DSCAM: variants seen among roughly 807,000 people sequenced by gnomAD.
DSCAM encodes cell adhesion molecule DSCAM.
In DSCAM, 47 loss-of-function variants were observed where a neutral mutation model predicts 217.7. The ratio of observed to expected loss-of-function variants is 0.22; its 90% CI spans 0.17 to 0.28. The LOEUF (loss-of-function observed/expected upper bound fraction) is 0.28, where lower values mean the gene tolerates loss of function less well. Ranked by LOEUF, DSCAM falls within the 10% of genes least tolerant of loss-of-function variation. The pLI, the probability that DSCAM is intolerant of heterozygous loss-of-function variation, is 1.00. For missense variants in DSCAM, 2,080 were observed against 2,618.3 expected (o/e 0.79, Z 4.49); for synonymous variants, 1,056 against 1,015.3 (o/e 1.04, Z -0.76).
At chr21:40,494,697 G>A (rs1346288041) in intron 3 of DSCAM, among the ~76,000 whole-genome samples, 1 of 150,998 alleles carries the variant, frequency 6.6e-6, no homozygotes. Context: ...ACACTTCAAG[G>A]AACAAGAAAA....
rs2089642743 is a variant in DSCAM, at chr21:40,093,874, C to T, written c.3697G>A (p.Val1233Met). ...TVFCSHPYPTVISEFEASPDS... is the reference protein window; with the variant it reads ...TVFCSHPYPTMISEFEASPDS... ...GGAGAGGCCTCAAACTCGCTGATCACCTGTAAAAAGAGACATAAGTGTTCC... is the reference window on the plus strand; with the variant it reads ...GGAGAGGCCTCAAACTCGCTGATCATCTGTAAAAAGAGACATAAGTGTTCC... The change falls in exon 21 of 33, where the codon GTG (valine) becomes ATG (methionine). Residue 1233 changes from valine (V) to methionine (M), a missense_variant and splice_region_variant. By Grantham distance (21) the Val-to-Met change is conservative. Around this residue, in one of 5 missense-constraint regions of DSCAM, gnomAD observed 1,144 missense variants for 1,421.1 expected, o/e 0.81. Coordinates refer to ENST00000400454, the MANE Select transcript of DSCAM (RefSeq NM_001389.5). 1 of 1,612,712 alleles carries T rather than the reference C, an allele frequency of 6.2e-7. No homozygotes were observed. Among genetic ancestry groups the T allele is most frequent in the Non-Finnish European group, 8.5e-7 (1 of 1,179,640 alleles).
intron 3 of DSCAM, among the ~76,000 whole-genome samples, chr21:40,668,526 C>T (rs2090230435): frequency 6.6e-6 from 1 of 152,184 alleles, no homozygotes; most frequent in Non-Finnish European, 1.5e-5. Context: ...GCAGCCTTGT[C>T]ACTGACAATA....
At chr21:40,453,238 T>C (rs1416360254) in intron 3 of DSCAM, among the ~76,000 whole-genome samples, 1 of 152,180 alleles carries the variant, frequency 6.6e-6, no homozygotes, top group Non-Finnish European at 1.5e-5. Flanking sequence ...ATAAGCGTAC[T>C]CCCTTATCTC....
intron 32 of DSCAM, among the ~76,000 whole-genome samples, chr21:40,039,317 A>G (rs1307873204): frequency 2.0e-5 from 3 of 152,298 alleles, no homozygotes; most frequent in Middle Eastern, 3.4e-3. Context: ...ATCAAAAAAA[A>G]AAAGAATGGA....
At chr21:40,553,778 A>T (rs1049755098) in intron 3 of DSCAM, among the ~76,000 whole-genome samples, 17 of 151,968 alleles carry the variant, frequency 1.1e-4, no homozygotes, top group Non-Finnish European at 2.5e-4. Context: ...CTTCTGAATT[A>T]TTTTTTTTAA....
At chr21:40,841,802 T>G (rs1481184237) in intron 1 of DSCAM, among the ~76,000 whole-genome samples, 1 of 152,236 alleles carries the variant, frequency 6.6e-6, no homozygotes. Flanking sequence ...AAATGCACCC[T>G]TCTGCGGGCC....
At chr21:40,448,130 G>C (rs1437495674) in intron 3 of DSCAM, among the ~76,000 whole-genome samples, 1 of 152,148 alleles carries the variant, frequency 6.6e-6, no homozygotes, top group Non-Finnish European at 1.5e-5. Flanking sequence ...AACTTGACTG[G>C]CTAAGGGATG....
chr21:40,485,710 A>G (rs2076022416), intron 3 of DSCAM, among the ~76,000 whole-genome samples: 2 of 152,252 alleles, frequency 1.3e-5, no homozygotes, highest in East Asian at 3.9e-4. Context: ...ACTTACATGC[A>G]TATGTTATTT....
intron 3 of DSCAM, among the ~76,000 whole-genome samples, chr21:40,579,674 G>A (rs573725060): frequency 5.7e-4 from 87 of 152,302 alleles, no homozygotes; most frequent in Non-Finnish European, 1.0e-3. Flanking sequence ...ACAAAGTTAA[G>A]ATCGTCGCTA....
rs758960101 is a variant in DSCAM, at chr21:40,013,300, C to G, written c.5773G>C (p.Gly1925Arg). ...TTCTGAGGTTCCAAGCATGCTTGTC[C>G]TAAGCTCAGGTCCCTGCTGGTGCCT... ...GPGTSRDLSL[G>R]QACLEPQKSR... Residue 1925 changes from glycine to arginine, a missense_variant, in exon 33 of 33, where the codon GGA becomes CGA. Physicochemically the swap from Gly to Arg is moderately radical, Grantham distance 125 (BLOSUM62 -2). Around this residue, in one of 5 missense-constraint regions of DSCAM, gnomAD observed 145 missense variants for 138.5 expected, o/e 1.05. Coordinates refer to ENST00000400454, the MANE Select transcript of DSCAM (RefSeq NM_001389.5). 2 of 1,612,852 alleles carry G rather than the reference C, an allele frequency of 1.2e-6. No homozygotes were observed. Among genetic ancestry groups the G allele is most frequent in the Non-Finnish European group, 1.7e-6 (2 of 1,179,478 alleles).
intron 16 of DSCAM, among the ~76,000 whole-genome samples, chr21:40,145,518 C>A (rs2837454): frequency 6.6e-6 from 1 of 151,860 alleles, no homozygotes; most frequent in African/African-American, 2.4e-5. Flanking sequence ...TAGGCTGATG[C>A]GTAGGACTCA....
At chr21:40,758,220 G>A (rs897949627) in intron 1 of DSCAM, among the ~76,000 whole-genome samples, 10 of 152,060 alleles carry the variant, frequency 6.6e-5, no homozygotes. Context: ...TTAGACTTCT[G>A]GCCTCTAGAA....
rs147609232 is a variant in DSCAM at position 40,614,095 on chromosome 21, A to G, written c.508+78715T>C. 7.9e-3 allele frequency among the ~76,000 whole-genome samples: 1,196 copies of G among 152,208 alleles called. 14 individuals carry two copies. The highest frequency in any genetic ancestry group is 0.027 in the African/African-American group (1,121 of 41,548). On this transcript the variant is annotated intron_variant, in intron 3 of 32. Transcript: ENST00000400454. ...GTCAACCAGTCCCACCCCAGTCCCA[A>G]TCCTGGCACTGCCCCCGGGGGCCCA... is the stretch of plus-strand genomic sequence containing the variant.
intron 9 of DSCAM, 41 bp downstream of exon 9, chr21:40,312,040 C>A: frequency 7.3e-7 from 1 of 1,362,618 alleles, no homozygotes; most frequent in South Asian, 1.2e-5. Flanking sequence ...ATTGTTAAAT[C>A]AACTCTACAG....
At chr21:40,609,875 C>G (rs749577964) in intron 3 of DSCAM, among the ~76,000 whole-genome samples, 1 of 152,242 alleles carries the variant, frequency 6.6e-6, no homozygotes, top group African/African-American at 2.4e-5. Context: ...GAGACTATCA[C>G]GGCTGCCTCA....
At chr21:40,106,672 T>C (rs2089824962) in intron 20 of DSCAM, among the ~76,000 whole-genome samples, 1 of 152,208 alleles carries the variant, frequency 6.6e-6, no homozygotes, top group Admixed American at 6.5e-5. Flanking sequence ...TGTTCGGGGA[T>C]TCAATTTCTT....
intron 3 of DSCAM, among the ~76,000 whole-genome samples, chr21:40,554,982 T>A (rs2076659749): frequency 6.6e-6 from 1 of 152,258 alleles, no homozygotes; most frequent in African/African-American, 2.4e-5. Context: ...CAGTACCTAG[T>A]GCACAGAAGG....
At position 40,642,742 on chromosome 21, in the gene DSCAM, C is replaced by T. The variant is rs569832795; in HGVS notation, c.508+50068G>A. 3.9e-5 allele frequency among the ~76,000 whole-genome samples: 6 copies of T among 152,240 alleles called. No individual in the cohort carries two copies. In the South Asian group the frequency reaches 1.2e-3, roughly 32 times the overall value. Reference sequence around the variant, plus strand: ...GGGACCACAGGTGCTTGCCACCATGCCCAGCTAATTTTTATTTTATTTTTT... The same window carrying T: ...GGGACCACAGGTGCTTGCCACCATGTCCAGCTAATTTTTATTTTATTTTTT... On this transcript the variant is annotated intron_variant, in intron 3 of 32. Coordinates refer to ENST00000400454, the MANE Select transcript of DSCAM (RefSeq NM_001389.5).
At chr21:40,569,370 T>A (rs2076788815) in intron 3 of DSCAM, among the ~76,000 whole-genome samples, 1 of 152,196 alleles carries the variant, frequency 6.6e-6, no homozygotes, top group South Asian at 2.1e-4. Context: ...GGTTAACAGC[T>A]GTAATCAATT....
Sources: gnomAD v4.1 joint callset for allele counts (sites outside exome capture counted in the v4.1 genomes callset) on GRCh38, gnomAD v4.1.1 for gene constraint, gnomAD v4.1.1 regional missense constraint, MANE v1.5 for transcripts, NCBI Gene and HGNC (gene_info 2026-07-23, HGNC 2026-07-21) for gene names.